The following RP1L1 variants were observed in gnomAD, a reference collection of about 807,000 sequenced individuals.
RP1L1 encodes RP1 like 1.
In RP1L1, 27 loss-of-function variants were observed where a neutral mutation model predicts 15.7. The observed-to-expected ratio is 1.72, with a 90% CI of 1.27 to 2.38. RP1L1 has a LOEUF of 2.38. RP1L1 is among the 30% of genes most tolerant of loss of function. The pLI is 0.00. For synonymous variants in RP1L1, 1,813 were observed against 1,276.7 expected (o/e 1.42, Z -8.96); for missense variants, 4,798 against 3,075.9 (o/e 1.56, Z -13.24).
In RP1L1 at chr8:10,610,915, G is replaced by C; in HGVS notation, c.3183C>G (p.Asp1061Glu). ...VSEAPAEAGA[D>E]REAPAGCRVS... ...CCCTGCAGCCTGCTGGGGCCTCTCT[G>C]TCTGCTCCGGCCTCTGCAGGGGCCT... Residue 1061 changes from aspartate (D) to glutamate (E), a missense_variant, in exon 4 of 4, where the codon GAC (aspartate) becomes GAG (glutamate). By Grantham distance (45) the Asp-to-Glu change is conservative. Coordinates refer to ENST00000382483, the MANE Select transcript of RP1L1 (RefSeq NM_178857.6). 1 of 1,610,958 alleles carries C rather than the reference G, an allele frequency of 6.2e-7. No homozygotes were observed. The highest frequency in any genetic ancestry group is 2.2e-5 in the East Asian group (1 of 44,796).
chr8:10,631,642 C>A (rs1056212725), intron 1 of RP1L1, among the ~76,000 whole-genome samples: 1 of 152,196 alleles, frequency 6.6e-6, no homozygotes, highest in Admixed American at 6.5e-5. Flanking sequence ...TTGTCCCTGT[C>A]CCCCCTCCTC....
intron 1 of RP1L1, among the ~76,000 whole-genome samples, chr8:10,642,485 C>T (rs1442052481): frequency 1.3e-5 from 2 of 152,210 alleles, no homozygotes; most frequent in Non-Finnish European, 2.9e-5. Flanking sequence ...GCTACAGATG[C>T]CATTTTGTTA....
At position 10,618,461 on chromosome 8, in the gene RP1L1, C is replaced by T. The variant is rs138055276; in HGVS notation, c.610-1874G>A. Among the ~76,000 whole-genome samples, 798 of 152,240 alleles carry T rather than the reference C, an allele frequency of 5.2e-3. 20 individuals carry two copies. In the East Asian group the frequency reaches 0.059, roughly 11 times the overall value. On this transcript the variant is annotated intron_variant, in intron 2 of 3. Coordinates refer to ENST00000382483, the MANE Select transcript of RP1L1 (RefSeq NM_178857.6). Reference sequence around the variant, plus strand: ...AGCGGAGGATGCAGTGAGCTAAGATCGTGCCACTGCACTCCAGCCTGGGTG... The same window carrying T: ...AGCGGAGGATGCAGTGAGCTAAGATTGTGCCACTGCACTCCAGCCTGGGTG...
chr8:10,620,966 G>A (rs1798048746), intron 2 of RP1L1: 1 of 152,276 alleles, frequency 6.6e-6, no homozygotes, highest in Non-Finnish European at 1.5e-5. Flanking sequence ...GGGAGACAGA[G>A]GAACAGGGAG....
In RP1L1 at chr8:10,618,631, G is replaced by A. The variant is rs147225548; in HGVS notation, c.610-2044C>T. ...CACTTGAGCCCAGGAGGTCGAGGCT[G>A]CAATGAGCTGAGATTGGGCCACAGC... On this transcript the variant is annotated intron_variant, in intron 2 of 3. Coordinates refer to ENST00000382483, the MANE Select transcript of RP1L1 (RefSeq NM_178857.6). Among the ~76,000 whole-genome samples, 8 of 152,262 alleles carry A rather than the reference G, an allele frequency of 5.3e-5. No homozygotes were observed. The East Asian group carries it at 1.3e-3, about 26-fold the overall frequency.
intron 1 of RP1L1, among the ~76,000 whole-genome samples, chr8:10,642,400 G>C (rs1585999240): frequency 6.6e-6 from 1 of 152,170 alleles, no homozygotes; most frequent in Non-Finnish European, 1.5e-5. Context: ...GAAACCTCTT[G>C]AAAGGTTGCT....
chr8:10,631,792 A>G (rs73201173), intron 1 of RP1L1, among the ~76,000 whole-genome samples: 12,784 of 152,252 alleles, frequency 0.084, 716 homozygotes, highest in Non-Finnish European at 0.13. Flanking sequence ...GAACAGACGA[A>G]GACCAAGGGC....
intron 1 of RP1L1, among the ~76,000 whole-genome samples, chr8:10,654,272 T>C (rs2117276061): frequency 6.6e-6 from 1 of 152,242 alleles, no homozygotes; most frequent in Non-Finnish European, 1.5e-5. Flanking sequence ...CATGACTTCA[T>C]CTGTCCGGGC....
intron 1 of RP1L1, among the ~76,000 whole-genome samples, chr8:10,632,640 G>T (rs191426917): frequency 6.6e-6 from 1 of 152,220 alleles, no homozygotes; most frequent in Non-Finnish European, 1.5e-5. Context: ...GGATGAGGCC[G>T]CTGACTTTGG....
At chr8:10,619,855 G>C (rs901240614) in intron 2 of RP1L1, among the ~76,000 whole-genome samples, 1 of 151,980 alleles carries the variant, frequency 6.6e-6, no homozygotes, top group Non-Finnish European at 1.5e-5. Context: ...AGCTACTCGG[G>C]GAGGCTGAGG....
At chr8:10,644,376 G>T (rs6990620) in intron 1 of RP1L1, among the ~76,000 whole-genome samples, 1 of 152,092 alleles carries the variant, frequency 6.6e-6, no homozygotes, top group Non-Finnish European at 1.5e-5. Context: ...AAGGCTTCCA[G>T]GACACAGCAG....
intron 1 of RP1L1, among the ~76,000 whole-genome samples, chr8:10,632,126 G>A (rs1285687656): frequency 6.6e-6 from 1 of 152,172 alleles, no homozygotes; most frequent in East Asian, 1.9e-4. Flanking sequence ...CCCGGAAGAG[G>A]CTTCGGGTGA....
Position 10,608,529 on chromosome 8 carries a change from CT to C in RP1L1, c.5568del (p.Glu1857LysfsTer18), listed in dbSNP as rs1279054025. The C allele has an allele frequency of 3.1e-6, 5 of 1,601,174 alleles. 1 individual carries two copies. The highest frequency in any genetic ancestry group is 4.3e-6 in the Non-Finnish European group (5 of 1,170,540). On this transcript the variant is annotated frameshift_variant, in exon 4 of 4. Transcript: ENST00000382483. LOFTEE classifies it low-confidence loss of function (END_TRUNC). ...CCTTCAGCCTCCTGGGCATCCCCTT[CT>C]GCCTCTGGGGCCTCTACACCTTCTG... ...PESEGVEAPE[A>X]EGDAQEAEGE...
At position 10,611,264 on chromosome 8, in the gene RP1L1, G is replaced by T. The variant is rs1797847083; in HGVS notation, c.2834C>A (p.Pro945His). The T allele has an allele frequency of 6.2e-7, 1 of 1,612,890 alleles. No homozygotes were observed. The highest frequency in any genetic ancestry group is 8.5e-7 in the Non-Finnish European group (1 of 1,180,028). ...QGQEEASGVS[P>H]SSLPRSSPEA... ...TGGAGACGAGCGGGGCAGAGAGCTG[G>T]GTGACACACCACTGGCCTCCTCCTG... The change falls in exon 4 of 4, where the codon CCC (proline) becomes CAC (histidine). Residue 945 changes from proline to histidine, a missense_variant. Transcript: ENST00000382483.
chr8:10,611,325 C>G lies in RP1L1; in HGVS notation c.2773G>C (p.Glu925Gln). Residue 925 changes from glutamate to glutamine, a missense_variant, in exon 4 of 4, where the codon GAG (glutamate) becomes CAG (glutamine). Coordinates refer to ENST00000382483, the MANE Select transcript of RP1L1 (RefSeq NM_178857.6). Reference sequence around the variant, plus strand: ...CCTCCCCCACTCCTCAAGGTCTTCTCCTCGGACAGCCCCCGAGACCCCGCA... The same window carrying G: ...CCTCCCCCACTCCTCAAGGTCTTCTGCTCGGACAGCCCCCGAGACCCCGCA... Reference protein sequence around the residue: ...QGAGSRGLSEEKTLRSGGGPQ... With the variant: ...QGAGSRGLSEQKTLRSGGGPQ... The G allele has an allele frequency of 6.2e-7, 1 of 1,612,764 alleles. No homozygotes were observed. Among genetic ancestry groups the G allele is most frequent in the Non-Finnish European group, 8.5e-7 (1 of 1,179,992 alleles).
At chr8:10,653,459 A>AACACACACAC (rs57172931) in intron 1 of RP1L1, among the ~76,000 whole-genome samples, 2,961 of 148,754 alleles carry the variant, frequency 0.02, 50 homozygotes, top group Admixed American at 0.039. Context: ...GTCTCCCTCC[A>AACACACACAC]ACACACACAC....
At chr8:10,615,758 T>C (rs1240921138) in intron 3 of RP1L1, among the ~76,000 whole-genome samples, 1 of 152,142 alleles carries the variant, frequency 6.6e-6, no homozygotes, top group East Asian at 1.9e-4. Flanking sequence ...TCTAGGCTTG[T>C]CTTGAACTCC....
At chr8:10,624,764 G>A (rs1252673372) in intron 1 of RP1L1, among the ~76,000 whole-genome samples, 2 of 152,176 alleles carry the variant, frequency 1.3e-5, no homozygotes, top group East Asian at 3.9e-4. Flanking sequence ...CTGCGTCGGG[G>A]TGTTCAAAAC....
intron 1 of RP1L1, among the ~76,000 whole-genome samples, chr8:10,626,469 A>T (rs752064581): frequency 2.0e-5 from 3 of 152,190 alleles, no homozygotes; most frequent in Admixed American, 6.5e-5. Flanking sequence ...AGCTGCAGGC[A>T]TGCAGCAGGG....
Sources: allele counts gnomAD v4.1 joint callset (sites outside exome capture counted in the v4.1 genomes callset), GRCh38; gene constraint gnomAD v4.1.1; transcripts MANE v1.5; gene names NCBI Gene and HGNC (gene_info 2026-07-23, HGNC 2026-07-21).